SEMA5A: variants seen among roughly 807,000 people sequenced by gnomAD.
SEMA5A encodes semaphorin-5A.
Under a neutral mutation model 135.5 loss-of-function variants are expected in SEMA5A, and 55 were observed. The observed-to-expected ratio is 0.41, with a 90% confidence interval of 0.33 to 0.51. The LOEUF is 0.51. Ranked by LOEUF, SEMA5A falls within the 20% of genes least tolerant of loss-of-function variation. The pLI, the probability that SEMA5A is intolerant of heterozygous loss-of-function variation, is 0.37. For synonymous variants in SEMA5A, 580 were observed against 546.5 expected, an observed-to-expected ratio of 1.06 and a Z score of -0.85; for missense variants, 1,290 against 1,419.9, an observed-to-expected ratio of 0.91 and a Z score of 1.47.
chr5:9,514,784 C>T (rs1313100579), intron 1 of SEMA5A, among the ~76,000 whole-genome samples: 1 of 152,168 alleles, frequency 6.6e-6, no homozygotes, highest in Non-Finnish European at 1.5e-5. Context: ...TCAACTGTTA[C>T]TTTTAAATCA....
chr5:9,414,561 T>C (rs1356995434), intron 2 of SEMA5A, among the ~76,000 whole-genome samples: 1 of 152,170 alleles, frequency 6.6e-6, no homozygotes, highest in Non-Finnish European at 1.5e-5. Flanking sequence ...TTTCTACCAG[T>C]CATAATATGA....
intron 5 of SEMA5A, among the ~76,000 whole-genome samples, chr5:9,256,839 T>G (rs1470173052): frequency 6.6e-6 from 1 of 152,222 alleles, no homozygotes; most frequent in Non-Finnish European, 1.5e-5. Flanking sequence ...CTCATCACAT[T>G]TGTCATCAGG....
intron 13 of SEMA5A, among the ~76,000 whole-genome samples, chr5:9,135,179 CTTTTTTTT>C (rs11297927): frequency 8.1e-6 from 1 of 123,536 alleles, no homozygotes; most frequent in Non-Finnish European, 1.7e-5. Context: ...TTCCGACTTT[CTTTTTTTT>C]TTTTTTTTTT....
At chr5:9,055,389 T>C (rs1231870078) in intron 18 of SEMA5A, among the ~76,000 whole-genome samples, 2 of 152,216 alleles carry the variant, frequency 1.3e-5, no homozygotes, top group Non-Finnish European at 2.9e-5. Context: ...AGACTCACTA[T>C]TGCTGTATGT....
intron 4 of SEMA5A, among the ~76,000 whole-genome samples, chr5:9,335,110 T>C (rs1230621968): frequency 4.0e-5 from 6 of 151,710 alleles, no homozygotes; most frequent in Admixed American, 2.6e-4. Context: ...TCTAGAGACA[T>C]TGGGATGGAG....
At chr5:9,177,240 TG>T (rs1378122376) in intron 11 of SEMA5A, among the ~76,000 whole-genome samples, 1 of 152,184 alleles carries the variant, frequency 6.6e-6, no homozygotes, top group African/African-American at 2.4e-5. Flanking sequence ...AGTTATAGGC[TG>T]CTGAAGTCTC....
chr5:9,183,075 A>G (rs963304193), intron 11 of SEMA5A, among the ~76,000 whole-genome samples: 3 of 152,128 alleles, frequency 2.0e-5, no homozygotes, highest in African/African-American at 7.2e-5. Flanking sequence ...AACAGAGGGA[A>G]GGATTCAAGT....
chr5:9,042,693 G>T lies in SEMA5A; in HGVS notation c.*204C>A. On this transcript the variant is annotated 3_prime_UTR_variant, in exon 23 of 23. Transcript: ENST00000382496. ...TTCACACCCTGGCTCATTCAACAAT[G>T]GTCAAGATTTTCACGATGTCTTATT... The T allele has an allele frequency of 1.8e-6, 1 of 564,538 alleles. No homozygotes were observed. Among genetic ancestry groups the T allele is most frequent in the Admixed American group, 3.5e-5 (1 of 28,378 alleles). 35.0% of individuals were successfully genotyped at this position (564,538 alleles called of 1,614,324 possible).
chr5:9,486,541 T>C (rs977807703), intron 1 of SEMA5A, among the ~76,000 whole-genome samples: 5 of 152,048 alleles, frequency 3.3e-5, no homozygotes, highest in Admixed American at 1.3e-4. Flanking sequence ...GAAGATGGCA[T>C]TGAGACAAGG....
chr5:9,363,319 G>A (rs1754777603), intron 3 of SEMA5A: 1 of 152,178 alleles, frequency 6.6e-6, no homozygotes, highest in Admixed American at 6.5e-5. Flanking sequence ...ATCATTTAAT[G>A]TTCTACAGAA....
intron 13 of SEMA5A, among the ~76,000 whole-genome samples, chr5:9,133,490 C>A (rs937781596): frequency 6.6e-6 from 1 of 152,114 alleles, no homozygotes; most frequent in Middle Eastern, 3.2e-3. Flanking sequence ...GGATGACAGA[C>A]ATAGTTTTGT....
intron 15 of SEMA5A, among the ~76,000 whole-genome samples, chr5:9,110,295 T>C (rs574105861): frequency 6.6e-6 from 1 of 152,290 alleles, no homozygotes; most frequent in East Asian, 1.9e-4. Context: ...GAGTTGGTGC[T>C]TCATCTTGAC....
intron 1 of SEMA5A, among the ~76,000 whole-genome samples, chr5:9,471,152 C>T (rs1478319778): frequency 6.6e-6 from 1 of 152,064 alleles, no homozygotes; most frequent in African/African-American, 2.4e-5. Context: ...ATTTAGGAAC[C>T]AGGAGAACCC....
At chr5:9,540,542 A>C (rs1738027079) in intron 1 of SEMA5A, among the ~76,000 whole-genome samples, 1 of 152,126 alleles carries the variant, frequency 6.6e-6, no homozygotes, top group African/African-American at 2.4e-5. Context: ...GGTTGCAGTG[A>C]GCCAAGATCG....
chr5:9,102,984 A>G (rs1739710942), intron 16 of SEMA5A, among the ~76,000 whole-genome samples: 5 of 152,212 alleles, frequency 3.3e-5, no homozygotes, highest in Admixed American at 3.3e-4. Context: ...GGAGCTAAAC[A>G]AATACAAAAT....
chr5:9,202,842 T>C (rs1323515124), intron 8 of SEMA5A, among the ~76,000 whole-genome samples: 3 of 152,336 alleles, frequency 2.0e-5, no homozygotes, highest in Non-Finnish European at 2.9e-5. Context: ...ATGGTGACCA[T>C]GGAATAGTGA....
chr5:9,237,003 C>T (rs868567938), intron 6 of SEMA5A, among the ~76,000 whole-genome samples: 1 of 152,054 alleles, frequency 6.6e-6, no homozygotes, highest in African/African-American at 2.4e-5. Context: ...ATATTTTTTT[C>T]CCCAAACTAT....
At position 9,316,456 on chromosome 5, in the gene SEMA5A, C is replaced by T. The variant is rs568155019; in HGVS notation, c.270+1916G>A. On this transcript the variant is annotated intron_variant, in intron 5 of 22. Transcript: ENST00000382496. The stretch of plus-strand genomic sequence containing the variant: ...TAGCAAATTTAAAAAGAAATGAATG[C>T]GTATATGTAAATATATGTTTGTGCA... Among the ~76,000 whole-genome samples the T allele has an allele frequency of 5.3e-5, 8 of 152,218 alleles. No individual in the cohort carries two copies. In the South Asian group the frequency reaches 1.0e-3, roughly 20 times the overall value.
intron 2 of SEMA5A, among the ~76,000 whole-genome samples, chr5:9,404,294 T>G (rs965729616): frequency 1.3e-5 from 2 of 152,188 alleles, no homozygotes; most frequent in African/African-American, 2.4e-5. Context: ...ACCTATGAAA[T>G]CTACAGCTGT....
Sources: allele counts gnomAD v4.1 joint callset (sites outside exome capture counted in the v4.1 genomes callset), GRCh38; gene constraint gnomAD v4.1.1; transcripts MANE v1.5; gene names NCBI Gene and HGNC (gene_info 2026-07-23, HGNC 2026-07-21).